ACSBG1: variants seen among roughly 807,000 people sequenced by gnomAD.
The protein encoded by ACSBG1 is acyl-CoA synthetase bubblegum family member 1.
A neutral mutation model predicts 80.2 loss-of-function variants in ACSBG1; 39 were observed. The observed-to-expected ratio is 0.49, with a 90% CI of 0.38 to 0.64. ACSBG1 has a LOEUF of 0.64. Among genes scored for constraint, ACSBG1 ranks in the 30% least tolerant of loss-of-function variants. ACSBG1 has a pLI of 0.00. For missense variants in ACSBG1, 828 were observed against 966.4 expected (o/e 0.86, Z 1.90); for synonymous variants, 392 against 379.5 (o/e 1.03, Z -0.38).
intron 2 of ACSBG1, among the ~76,000 whole-genome samples, chr15:78,199,010 C>A (rs2075141754): frequency 6.6e-6 from 1 of 152,206 alleles, no homozygotes; most frequent in Non-Finnish European, 1.5e-5. Context: ...AGCTCCCTCT[C>A]ATTTTCCTTT....
At chr15:78,184,605 A>G (rs2074980760) in intron 5 of ACSBG1, among the ~76,000 whole-genome samples, 1 of 152,270 alleles carries the variant, frequency 6.6e-6, no homozygotes, top group Non-Finnish European at 1.5e-5. Flanking sequence ...AAGAATAAAT[A>G]AAGTAAGCTA....
chr15:78,215,783 A>AAAGAAAGAAAGG (rs1567096471), intron 1 of ACSBG1, among the ~76,000 whole-genome samples: 2 of 149,382 alleles, frequency 1.3e-5, no homozygotes, highest in African/African-American at 5.1e-5. Flanking sequence ...AGAAAGAAAG[A>AAAGAAAGAAAGG]AAGAGAAAGA....
At position 78,168,007 on chromosome 15, in the gene ACSBG1, ATTG is replaced by A. The variant is rs1223010497; in HGVS notation, c.*3434_*3436del. The A allele has an allele frequency of 6.6e-6, 1 of 152,144 alleles. No homozygotes were observed. Among genetic ancestry groups the A allele is most frequent in the African/African-American group, 2.4e-5 (1 of 41,430 alleles). 9.4% of individuals were successfully genotyped at this position (152,144 alleles called of 1,614,324 possible). On this transcript the variant is annotated 3_prime_UTR_variant, in exon 14 of 14. Coordinates refer to ENST00000258873, the MANE Select transcript of ACSBG1 (RefSeq NM_015162.5). Reference sequence around the variant, plus strand: ...CCTGAATTACATAGTGGGCCCTTTTATTGTGTAGGATGGAAAGATAAAGAGAAT... The same window carrying A: ...CCTGAATTACATAGTGGGCCCTTTTATGTAGGATGGAAAGATAAAGAGAAT...
chr15:78,221,169 G>T (rs2075356850), intron 1 of ACSBG1, among the ~76,000 whole-genome samples: 1 of 152,104 alleles, frequency 6.6e-6, no homozygotes, highest in South Asian at 2.1e-4. Flanking sequence ...GGGCCCAGGG[G>T]ACCGGTACAC....
chr15:78,196,933 G>C (rs2075119825), intron 2 of ACSBG1, among the ~76,000 whole-genome samples: 1 of 151,830 alleles, frequency 6.6e-6, no homozygotes, highest in African/African-American at 2.4e-5. Context: ...GCATGGTGTT[G>C]TGTGCCTGTA....
chr15:78,192,647 C>G (rs921678673), intron 5 of ACSBG1, among the ~76,000 whole-genome samples: 2 of 152,212 alleles, frequency 1.3e-5, no homozygotes, highest in Non-Finnish European at 2.9e-5. Context: ...TTGCTTTTCT[C>G]TTTCAGGCTT....
At chr15:78,184,767 T>C (rs1336763347) in intron 5 of ACSBG1, among the ~76,000 whole-genome samples, 3 of 152,204 alleles carry the variant, frequency 2.0e-5, no homozygotes, top group African/African-American at 4.8e-5. Flanking sequence ...ACTAGGAAAC[T>C]GGACAAATAG....
rs770641046 is a variant in ACSBG1 at position 78,194,662 on chromosome 15, T to C, written c.297A>G (p.Pro99=). 75 of 1,614,054 alleles carry C rather than the reference T, an allele frequency of 4.6e-5. No homozygotes were observed. Among genetic ancestry groups the C allele is most frequent in the Non-Finnish European group, 1.7e-6 (2 of 1,180,034 alleles). ...RVRLRIDPSC[P]QLPYTVHRMF... Reference sequence around the variant, plus strand: ...TCCGATGCACAGTGTAGGGAAGCTGTGGGCAGCTGGGGTCTATGCGCAGGC... The same window carrying C: ...TCCGATGCACAGTGTAGGGAAGCTGCGGGCAGCTGGGGTCTATGCGCAGGC... Residue 99 remains proline, a synonymous_variant, in exon 3 of 14, where the codon CCA becomes CCG. Coordinates refer to ENST00000258873, the MANE Select transcript of ACSBG1 (RefSeq NM_015162.5).
chr15:78,223,105 A>C (rs905292714), intron 1 of ACSBG1, among the ~76,000 whole-genome samples: 6 of 152,226 alleles, frequency 3.9e-5, no homozygotes, highest in Non-Finnish European at 8.8e-5. Flanking sequence ...AAGTCAAAAA[A>C]GCAATGCAGT....
Position 78,180,829 on chromosome 15 carries a change from A to G in ACSBG1, c.1179T>C (p.Ser393=), listed in dbSNP as rs368902007. 4 of 1,614,100 alleles carry G rather than the reference A, an allele frequency of 2.5e-6. No homozygotes were observed. The African/African-American group carries it at 5.3e-5, about 22-fold the overall frequency. The change falls in exon 9 of 14, where the codon TCT becomes TCC. Residue 393 remains serine, a synonymous_variant. Coordinates refer to ENST00000258873, the MANE Select transcript of ACSBG1 (RefSeq NM_015162.5). ...GCAGCATCTTTCGCCGGATGAAGCC[A>G]GACTGAGCCGCCACCTCCTGGATGC... ...MERIQEVAAQ[S]GFIRRKMLLW...
At chr15:78,230,993 T>A (rs1254393971) in intron 1 of ACSBG1, among the ~76,000 whole-genome samples, 1 of 152,176 alleles carries the variant, frequency 6.6e-6, no homozygotes, top group African/African-American at 2.4e-5. Flanking sequence ...TGAGACAGGG[T>A]CTTGCTGTGT....
Position 78,193,925 on chromosome 15 carries a change from C to T in ACSBG1, c.542+7G>A. ...CTGGAGACCCCGTCCCTGCCCCCGC[C>T]ACTCACCCTGCAAATACTGTGCCCA... On this transcript the variant is annotated splice_region_variant and intron_variant, in intron 4 of 13. Coordinates refer to ENST00000258873, the MANE Select transcript of ACSBG1 (RefSeq NM_015162.5). 6.2e-7 allele frequency: 1 copy of T among 1,613,854 alleles called. No individual in the cohort carries two copies. Among genetic ancestry groups the T allele is most frequent in the Non-Finnish European group, 8.5e-7 (1 of 1,179,942 alleles).
intron 2 of ACSBG1, among the ~76,000 whole-genome samples, chr15:78,198,539 C>T (rs189797975): frequency 5.2e-4 from 77 of 147,138 alleles, no homozygotes; most frequent in Middle Eastern, 4.0e-3. Flanking sequence ...GTAGAGATGG[C>T]GTTTCGCCAT....
At chr15:78,208,228 A>C in intron 1 of ACSBG1, 126 bp from the exon 2 acceptor site, 1 of 710,642 alleles carries the variant, frequency 1.4e-6, no homozygotes, top group Non-Finnish European at 2.5e-6. Flanking sequence ...TGTCTCCTGC[A>C]AATGCTGGGG....
chr15:78,170,673 G>A lies in ACSBG1; in HGVS notation c.*771C>T, dbSNP rs1298398553. ...GGTCTGGTGGCGACAGGCTAACGTA[G>A]AGCTGGCTGCTTTTATGAGAATGCG... On this transcript the variant is annotated 3_prime_UTR_variant, in exon 14 of 14. Coordinates refer to ENST00000258873, the MANE Select transcript of ACSBG1 (RefSeq NM_015162.5). The A allele has an allele frequency of 6.6e-6, 1 of 152,256 alleles. No individual in the cohort carries two copies. The highest frequency in any genetic ancestry group is 1.5e-5 in the Non-Finnish European group (1 of 68,042). 9.4% of individuals were successfully genotyped at this position (152,256 alleles called of 1,614,324 possible). A position where few individuals can be genotyped will look rare whatever the true frequency, so the allele number is the denominator to read the frequency against.
In ACSBG1 at chr15:78,182,101, C is replaced by A. The variant is rs141466511; in HGVS notation, c.939G>T (p.Arg313=). 1 of 1,612,208 alleles carries A rather than the reference C, an allele frequency of 6.2e-7. No individual in the cohort carries two copies. The highest frequency in any genetic ancestry group is 8.5e-7 in the Non-Finnish European group (1 of 1,179,990). Residue 313 remains arginine, a synonymous_variant, in exon 8 of 14, where the codon CGG becomes CGT. Transcript: ENST00000258873. The stretch of plus-strand genomic sequence containing the variant: ...CCACCTCCTGCTGGACTTCTGCCGG[C>A]CGGATGTCACCGGCCTGGCTGCCGT... ...ARYGSQAGDI[R]PAEVQQEVVV...
chr15:78,187,962 G>A (rs1452107066), intron 5 of ACSBG1, among the ~76,000 whole-genome samples: 1 of 152,104 alleles, frequency 6.6e-6, no homozygotes, highest in African/African-American at 2.4e-5. Flanking sequence ...AAGCTGATAA[G>A]CAACTTCAGC....
At chr15:78,181,927 G>C in intron 8 of ACSBG1, 42 bp downstream of exon 8, 3 of 1,595,234 alleles carry the variant, frequency 1.9e-6, no homozygotes, top group Non-Finnish European at 2.6e-6. Flanking sequence ...GACGTGGCCT[G>C]GCACACGGGC....
chr15:78,176,235 T>C (rs1379096697), intron 11 of ACSBG1, among the ~76,000 whole-genome samples: 2 of 152,158 alleles, frequency 1.3e-5, no homozygotes, highest in African/African-American at 4.8e-5. Context: ...AGTTAGTGAA[T>C]GCTTCTCCCC....
Sources: gnomAD v4.1 joint callset for allele counts (sites outside exome capture counted in the v4.1 genomes callset) on GRCh38, gnomAD v4.1.1 for gene constraint, MANE v1.5 for transcripts, NCBI Gene and HGNC (gene_info 2026-07-23, HGNC 2026-07-21) for gene names.